ARPC1A: variants seen among roughly 807,000 people sequenced by gnomAD.
The protein encoded by ARPC1A is actin-related protein 2/3 complex subunit 1A.
In ARPC1A, 8 loss-of-function variants were observed where a neutral mutation model predicts 46.9. The ratio of observed to expected loss-of-function variants is 0.17; its 90% CI spans 0.10 to 0.31. The LOEUF (loss-of-function observed/expected upper bound fraction) is 0.31, where lower values mean the gene tolerates loss of function less well. ARPC1A is among the 10% of genes least tolerant of loss of function. ARPC1A has a pLI of 1.00. For synonymous variants in ARPC1A, 152 were observed against 169.0 expected, an observed-to-expected ratio of 0.90 and a Z score of 0.78; for missense variants, 286 against 483.6, an observed-to-expected ratio of 0.59 and a Z score of 3.83.
chr7:99,338,194 T>C lies in ARPC1A; in HGVS notation c.78T>C (p.Ser26=). 2 of 1,612,130 alleles carry C rather than the reference T, an allele frequency of 1.2e-6. No individual in the cohort carries two copies. The highest frequency in any genetic ancestry group is 2.2e-5 in the East Asian group (1 of 44,852). Residue 26 remains serine (S), a synonymous_variant, in exon 3 of 10, where the codon AGT becomes AGC. Transcript: ENST00000262942. ...TTGTGTCTCCAGAGATTGCCCTCAG[T>C]CCCAATAATCACGAAGTGCACATCT... ...WNRDRTQIAL[S]PNNHEVHIYK... is the part of the protein sequence containing the mutation.
intron 8 of ARPC1A, among the ~76,000 whole-genome samples, chr7:99,363,199 G>A (rs1793772682): frequency 6.6e-6 from 1 of 152,140 alleles, no homozygotes; most frequent in Non-Finnish European, 1.5e-5. Flanking sequence ...CTGGACATCT[G>A]GTAATAATAT....
At chr7:99,354,393 G>A (rs994001884) in intron 6 of ARPC1A, among the ~76,000 whole-genome samples, 1 of 151,266 alleles carries the variant, frequency 6.6e-6, no homozygotes, top group Non-Finnish European at 1.5e-5. Flanking sequence ...GTGGTGGTAG[G>A]CGCCTGTACT....
rs962820282 is a variant in ARPC1A at position 99,360,212 on chromosome 7, G to A, written c.983+474G>A. ...AAATAAGAAGATTATTTAATTAAAG[G>A]AACAGAATTTCTTATCATCATGATG... On this transcript the variant is annotated intron_variant, in intron 8 of 9. Transcript: ENST00000262942. 5 of 173,564 alleles carry A rather than the reference G, an allele frequency of 2.9e-5. No homozygotes were observed. The East Asian group carries it at 7.3e-4, about 25-fold the overall frequency. The allele number at this position is 173,564 out of a possible 1,614,324, so 10.8% of individuals were successfully genotyped here.
At chr7:99,365,628 AAAG>A (rs1221651784) in intron 9 of ARPC1A, among the ~76,000 whole-genome samples, 11 of 151,532 alleles carry the variant, frequency 7.3e-5, no homozygotes, top group African/African-American at 2.2e-4. Flanking sequence ...AAAAAAAAAA[AAAG>A]AGGAGTGAGG....
At chr7:99,333,270 G>A in intron 1 of ARPC1A, 55 bp from the exon 2 acceptor site, 1 of 1,088,412 alleles carries the variant, frequency 9.2e-7, no homozygotes, top group Non-Finnish European at 1.4e-6. Context: ...CTTAAACATT[G>A]GTTACTTGCC....
intron 3 of ARPC1A, 71 bp downstream of exon 3, chr7:99,338,356 C>G: frequency 1.0e-6 from 1 of 990,428 alleles, no homozygotes; most frequent in Non-Finnish European, 1.4e-6. Flanking sequence ...GATAAAGAGC[C>G]TAATAAACCC....
In ARPC1A at chr7:99,333,360, C is replaced by G. The variant is rs1427868082; in HGVS notation, c.7C>G (p.Leu3Val). Residue 3 changes from leucine (L) to valine (V), a missense_variant, in exon 2 of 10, where the codon CTG (leucine) becomes GTG (valine). This residue lies in a region of ARPC1A where 55 missense variants were observed against 59.4 expected (regional missense o/e 0.93). Coordinates refer to ENST00000262942, the MANE Select transcript of ARPC1A (RefSeq NM_006409.4). MS[L>V]HQFLLEPITC... ...TTTGAAAACACTAAGAATAATGTCA[C>G]TGCATCAGTTTTTACTAGAGCCAAT... 32 of 1,613,186 alleles carry G rather than the reference C, an allele frequency of 2.0e-5. No homozygotes were observed. The highest frequency in any genetic ancestry group is 2.6e-5 in the Non-Finnish European group (31 of 1,179,392).
chr7:99,334,137 G>A lies in ARPC1A; in HGVS notation c.64+720G>A, dbSNP rs1793200675. Among the ~76,000 whole-genome samples the A allele has an allele frequency of 2.6e-5, 4 of 151,680 alleles. No individual in the cohort carries two copies. In the South Asian group the frequency reaches 8.3e-4, roughly 31 times the overall value. ...GCACTTTGGGAGACCGAGGCGGGCA[G>A]ATCATTTGAGGTCAGGAGTTCGAGA... On this transcript the variant is annotated intron_variant, in intron 2 of 9. Coordinates refer to ENST00000262942, the MANE Select transcript of ARPC1A (RefSeq NM_006409.4).
intron 5 of ARPC1A, among the ~76,000 whole-genome samples, chr7:99,353,457 C>CTTATTTATTTATTTATTTAT (rs56733844): frequency 7.1e-4 from 99 of 139,486 alleles, no homozygotes; most frequent in African/African-American, 2.5e-3. Flanking sequence ...CGCACCCAGC[C>CTTATTTATTTATTTATTTAT]TTATTTATTT....
chr7:99,362,330 G>GC (rs145306692), intron 8 of ARPC1A, among the ~76,000 whole-genome samples: 5,420 of 110,262 alleles, frequency 0.049, 389 homozygotes, highest in African/African-American at 0.16. Context: ...GTAAAACCCC[G>GC]CCCCCCTTTT....
chr7:99,351,666 C>T (rs772406105), intron 5 of ARPC1A, among the ~76,000 whole-genome samples: 30 of 152,210 alleles, frequency 2.0e-4, no homozygotes, highest in Non-Finnish European at 4.0e-4. Context: ...GTCATATAAC[C>T]TCACATAACT....
At chr7:99,339,239 A>G (rs1045890228) in intron 3 of ARPC1A, among the ~76,000 whole-genome samples, 3 of 152,168 alleles carry the variant, frequency 2.0e-5, no homozygotes, top group Admixed American at 1.3e-4. Context: ...ATACATTTAC[A>G]TACATACATA....
intron 8 of ARPC1A, 54 bp downstream of exon 8, chr7:99,359,792 C>T (rs1039772907): frequency 1.3e-5 from 21 of 1,588,558 alleles, no homozygotes; most frequent in African/African-American, 5.4e-5. Flanking sequence ...TCCTGCCCCT[C>T]GCTGTTTCCT....
chr7:99,360,435 C>T (rs1319928965), intron 8 of ARPC1A, among the ~76,000 whole-genome samples: 3 of 151,674 alleles, frequency 2.0e-5, no homozygotes, highest in Non-Finnish European at 4.4e-5. Context: ...AAGCAATTCT[C>T]CTGCCTCAGC....
At chr7:99,362,461 A>G (rs1256169482) in intron 8 of ARPC1A, among the ~76,000 whole-genome samples, 1 of 145,658 alleles carries the variant, frequency 6.9e-6, no homozygotes, top group African/African-American at 2.6e-5. Flanking sequence ...CCTCCCAAGT[A>G]GCTGGGACTA....
At chr7:99,364,721 T>C (rs571454664) in intron 9 of ARPC1A, among the ~76,000 whole-genome samples, 13 of 152,322 alleles carry the variant, frequency 8.5e-5, no homozygotes, top group South Asian at 6.2e-4. Flanking sequence ...AGCCCAGGTT[T>C]AACTATATAG....
rs73710443 is a variant in ARPC1A, at chr7:99,363,145, C to T, written c.984-398C>T. Among the ~76,000 whole-genome samples the T allele has an allele frequency of 8.2e-3, 1,243 of 152,282 alleles. 17 individuals carry two copies. Among genetic ancestry groups the T allele is most frequent in the African/African-American group, 0.026 (1,099 of 41,560 alleles). On this transcript the variant is annotated intron_variant, in intron 8 of 9. Transcript: ENST00000262942. ...TTCCTGCTTCCCCAGGTCACGCTAA[C>T]CAAGGCAAGTTCTTAACTTCTCCCC...
chr7:99,358,481 G>T, intron 7 of ARPC1A, 66 bp downstream of exon 7: 1 of 1,404,972 alleles, frequency 7.1e-7, no homozygotes, highest in Non-Finnish European at 1.0e-6. Flanking sequence ...GGAACAATGT[G>T]TGCTCTGTCA....
chr7:99,345,977 G>A (rs755752424), intron 4 of ARPC1A, among the ~76,000 whole-genome samples: 2 of 152,182 alleles, frequency 1.3e-5, no homozygotes, highest in Non-Finnish European at 2.9e-5. Flanking sequence ...ACTTTGGGAG[G>A]CCGAGGCAGG....
Sources: allele counts gnomAD v4.1 joint callset (sites outside exome capture counted in the v4.1 genomes callset), GRCh38; gene constraint gnomAD v4.1.1; regional missense constraint gnomAD v4.1.1; transcripts MANE v1.5; gene names NCBI Gene and HGNC (gene_info 2026-07-23, HGNC 2026-07-21).